The following PSG6 variants were observed in gnomAD, a reference collection of about 807,000 sequenced individuals.
The protein encoded by PSG6 is pregnancy-specific beta-1-glycoprotein 6.
PSG6 carries 51 observed loss-of-function variants against 43.3 expected under a neutral mutation model. The ratio of observed to expected loss-of-function variants is 1.18; its 90% confidence interval spans 0.94 to 1.49. The LOEUF is 1.49. PSG6 is among the 40% of genes most tolerant of loss of function. The pLI is 0.00. For synonymous variants in PSG6, 292 were observed against 197.6 expected, an observed-to-expected ratio of 1.48 and a Z score of -4.01; for missense variants, 770 against 522.2, an observed-to-expected ratio of 1.47 and a Z score of -4.62.
intron 5 of PSG6, among the ~76,000 whole-genome samples, chr19:42,904,029 C>G (rs1838898595): frequency 1.3e-5 from 2 of 151,720 alleles, no homozygotes; most frequent in South Asian, 4.2e-4. Context: ...TAGACAAACT[C>G]CTAGAAACAC....
intron 5 of PSG6, chr19:42,903,753 C>T (rs1972071059): frequency 2.0e-6 from 3 of 1,513,392 alleles, no homozygotes; most frequent in Non-Finnish European, 1.8e-6. Flanking sequence ...ATTAGCTGGG[C>T]ATGTTGACAT....
chr19:42,909,378 T>G (rs570502295), intron 3 of PSG6, among the ~76,000 whole-genome samples: 1 of 151,636 alleles, frequency 6.6e-6, no homozygotes, highest in African/African-American at 2.4e-5. Context: ...TTTCTCAGTG[T>G]TTGTGTTGTG....
chr19:42,910,847 T>C lies in PSG6; in HGVS notation c.439A>G (p.Lys147Glu). Reference sequence around the variant, plus strand: ...AAGTTGCTGCTGGAGATGGAGGGCTTGGGAGTCTCCGCTGTGCAGAAAACA... The same window carrying C: ...AAGTTGCTGCTGGAGATGGAGGGCTCGGGAGTCTCCGCTGTGCAGAAAACA... Reference protein sequence around the residue: ...FTVTLYSETPKPSISSSNLNP... With the variant: ...FTVTLYSETPEPSISSSNLNP... The change falls in exon 3 of 6, where the codon AAG becomes GAG. Residue 147 changes from lysine to glutamate, a missense_variant. Coordinates refer to ENST00000187910, the MANE Select transcript of PSG6 (RefSeq NM_001031850.4). 1.9e-6 allele frequency: 3 copies of C among 1,610,192 alleles called. No individual in the cohort carries two copies. The highest frequency in any genetic ancestry group is 2.5e-6 in the Non-Finnish European group (3 of 1,178,130).
chr19:42,902,454 A>T lies in PSG6; in HGVS notation c.1241-8T>A, dbSNP rs749278079. On this transcript the variant is annotated splice_region_variant and splice_polypyrimidine_tract_variant and intron_variant, in intron 5 of 5. Transcript: ENST00000187910. ...GGTTTCCATGGCAGGGACCTGATTGACAGAAGGCCCAGGTCAGCGCATTTC... is the reference window on the plus strand; with the variant it reads ...GGTTTCCATGGCAGGGACCTGATTGTCAGAAGGCCCAGGTCAGCGCATTTC... 60 of 1,610,652 alleles carry T rather than the reference A, an allele frequency of 3.7e-5. 2 individuals are homozygous for T. Among genetic ancestry groups the T allele is most frequent in the Non-Finnish European group, 5.0e-5 (59 of 1,178,214 alleles).
At chr19:42,910,926 T>C in intron 2 of PSG6, 68 bp from the exon 3 acceptor site, 1 of 1,539,594 alleles carries the variant, frequency 6.5e-7, no homozygotes, top group South Asian at 1.3e-5. Context: ...CATTTTTCAA[T>C]CAGAGTTGGC....
At chr19:42,913,874 T>C (rs931322787) in intron 2 of PSG6, among the ~76,000 whole-genome samples, 1 of 151,482 alleles carries the variant, frequency 6.6e-6, no homozygotes, top group Non-Finnish European at 1.5e-5. Flanking sequence ...GCAGTACTCA[T>C]TTTTTAGTCC....
chr19:42,914,037 T>A (rs1972276422), intron 2 of PSG6, among the ~76,000 whole-genome samples: 1 of 151,674 alleles, frequency 6.6e-6, no homozygotes, highest in Non-Finnish European at 1.5e-5. Flanking sequence ...AAATTTTATT[T>A]TATTTTATAT....
intron 2 of PSG6, chr19:42,915,449 G>T (rs1264027865): frequency 1.3e-5 from 2 of 151,974 alleles, no homozygotes; most frequent in Non-Finnish European, 2.9e-5. Flanking sequence ...GGGGATATTA[G>T]ACTTTCTATG....
At chr19:42,916,700 A>AC (rs11459407) in intron 1 of PSG6, among the ~76,000 whole-genome samples, 46,793 of 149,804 alleles carry the variant, frequency 0.31, 8,125 homozygotes, top group South Asian at 0.46. Flanking sequence ...CAGCAGCATG[A>AC]CCCCCATTCC....
chr19:42,915,982 G>T lies in PSG6; in HGVS notation c.427+143C>A, dbSNP rs371849205. The stretch of plus-strand genomic sequence containing the variant: ...GTTGAAATGTGTCTCCTCTGTGTGT[G>T]TCCTGCACTAAATGCCCAAACCCCA... On this transcript the variant is annotated intron_variant, in intron 2 of 5. Coordinates refer to ENST00000187910, the MANE Select transcript of PSG6 (RefSeq NM_001031850.4). The T allele has an allele frequency of 1.5e-4, 213 of 1,395,892 alleles. 13 individuals carry two copies. In the East Asian group the frequency reaches 2.9e-3, roughly 19 times the overall value. 86.5% of individuals were successfully genotyped at this position (1,395,892 alleles called of 1,614,324 possible).
chr19:42,912,287 A>G (rs1006730978), intron 2 of PSG6, among the ~76,000 whole-genome samples: 3 of 151,580 alleles, frequency 2.0e-5, no homozygotes, highest in South Asian at 2.1e-4. Context: ...CTCATGTTAT[A>G]TTCTGACTCT....
In PSG6 at chr19:42,916,212, C is replaced by T. The variant is rs1310968128; in HGVS notation, c.340G>A (p.Glu114Lys). 3 of 1,612,124 alleles carry T rather than the reference C, an allele frequency of 1.9e-6. No homozygotes were observed. The highest frequency in any genetic ancestry group is 1.7e-5 in the Admixed American group (1 of 59,892). The change falls in exon 2 of 6, where the codon GAG becomes AAG. Residue 114 changes from glutamate to lysine, a missense_variant. Transcript: ENST00000187910. The part of the protein sequence containing the change: ...ASLLIQNVTQ[E>K]DAGSYTLHII... Reference sequence around the variant, plus strand: ...TGTAAGGTGTAGGATCCTGCATCCTCCTGTGTGACATTCTGGATCAGCAGG... The same window carrying T: ...TGTAAGGTGTAGGATCCTGCATCCTTCTGTGTGACATTCTGGATCAGCAGG...
intron 1 of PSG6, 113 bp from the exon 2 acceptor site, chr19:42,916,600 A>G (rs1972340124): frequency 7.2e-7 from 1 of 1,395,564 alleles, no homozygotes; most frequent in Non-Finnish European, 9.8e-7. Flanking sequence ...AGATATGCAC[A>G]CACACACATA....
In PSG6 at chr19:42,902,211, T is replaced by C. The variant is rs1972045563; in HGVS notation, c.*201A>G. On this transcript the variant is annotated 3_prime_UTR_variant, in exon 6 of 6. Coordinates refer to ENST00000187910, the MANE Select transcript of PSG6 (RefSeq NM_001031850.4). ...AATTTTTGTTTACAAAAGTATACTT[T>C]ACCAATTGCTGAAGAAAAAAAGTTC... The C allele has an allele frequency of 1.5e-6, 1 of 646,746 alleles. No homozygotes were observed. Among genetic ancestry groups the C allele is most frequent in the Admixed American group, 3.2e-5 (1 of 31,302 alleles). The allele number at this position is 646,746 out of a possible 1,614,324, so 40.1% of individuals were successfully genotyped here.
chr19:42,912,268 A>G (rs1857964325), intron 2 of PSG6, among the ~76,000 whole-genome samples: 1 of 151,604 alleles, frequency 6.6e-6, no homozygotes, highest in African/African-American at 2.4e-5. Context: ...AGTTGTCAGG[A>G]GTTTAGACCT....
rs532055083 is a variant in PSG6 at position 42,907,185 on chromosome 19, A to G, written c.986-9T>C. ...GGGGAGGTCTGGACCATCTGGAGGA[A>G]AGAGAATAAAGCCACAGGTGATGTC... On this transcript the variant is annotated splice_polypyrimidine_tract_variant and intron_variant, in intron 4 of 5. Transcript: ENST00000187910. 10 of 1,609,848 alleles carry G rather than the reference A, an allele frequency of 6.2e-6. No homozygotes were observed. The South Asian group carries it at 1.1e-4, about 18-fold the overall frequency.
intron 3 of PSG6, among the ~76,000 whole-genome samples, chr19:42,908,331 T>C (rs1972157810): frequency 6.6e-6 from 1 of 151,776 alleles, no homozygotes; most frequent in South Asian, 2.1e-4. Context: ...ACCCTGCAGA[T>C]ACTGAGCAGC....
chr19:42,913,644 G>A (rs569805630), intron 2 of PSG6, among the ~76,000 whole-genome samples: 1 of 151,850 alleles, frequency 6.6e-6, no homozygotes, highest in South Asian at 2.1e-4. Flanking sequence ...GAGCCTATGG[G>A]CTTAATTGCT....
At position 42,916,005 on chromosome 19, in the gene PSG6, C is replaced by G. The variant is rs1032627099; in HGVS notation, c.427+120G>C. ...GTGTCCTGCACTAAATGCCCAAACC[C>G]CAGCATGGGACATAATGCAGAGAGT... On this transcript the variant is annotated intron_variant, in intron 2 of 5. Transcript: ENST00000187910. 55 of 1,531,608 alleles carry G rather than the reference C, an allele frequency of 3.6e-5. 2 individuals are homozygous for G. Among genetic ancestry groups the G allele is most frequent in the South Asian group, 1.4e-4 (11 of 80,642 alleles). The allele number at this position is 1,531,608 out of a possible 1,614,324, so 94.9% of individuals were successfully genotyped here. A position where few individuals can be genotyped will look rare whatever the true frequency, so the allele number is the denominator to read the frequency against.
Sources: allele counts gnomAD v4.1 joint callset (sites outside exome capture counted in the v4.1 genomes callset), GRCh38; gene constraint gnomAD v4.1.1; transcripts MANE v1.5; gene names NCBI Gene and HGNC (gene_info 2026-07-23, HGNC 2026-07-21).